Variants in ASNS observed in about 807,000 individuals in gnomAD.
The protein encoded by ASNS is asparagine synthetase [glutamine-hydrolyzing].
ASNS carries 37 observed loss-of-function variants against 62.6 expected under a neutral mutation model. That is an observed-to-expected ratio of 0.59 (90% CI 0.45 to 0.78). The LOEUF (loss-of-function observed/expected upper bound fraction) is 0.78. Ranked by LOEUF, ASNS falls within the 30% of genes least tolerant of loss-of-function variation. The pLI, the probability that ASNS is intolerant of heterozygous loss-of-function variation, is 0.00. For missense variants in ASNS, 520 were observed against 682.4 expected, an observed-to-expected ratio of 0.76 and a Z score of 2.65; for synonymous variants, 207 against 237.9, an observed-to-expected ratio of 0.87 and a Z score of 1.19.
rs772206820 is a variant in ASNS at position 97,869,067 on chromosome 7, A to G, written c.90T>C (p.Asp30=). Residue 30 remains aspartate, a synonymous_variant, in exon 3 of 13, where the codon GAT becomes GAC. Coordinates refer to ENST00000394308, the MANE Select transcript of ASNS (RefSeq NM_001673.5). ...SAMKIAHRGP[D]AFRFENVNGY... is the part of the protein sequence containing the mutation. The stretch of plus-strand genomic sequence containing the variant: ...CATTGACATTCTCAAAACGGAATGC[A>G]TCTGGACCTCTGTGTGCAATCTTCA... 1.2e-6 allele frequency: 2 copies of G among 1,614,234 alleles called. No homozygotes were observed. Among genetic ancestry groups the G allele is most frequent in the East Asian group, 2.2e-5 (1 of 44,872 alleles).
chr7:97,886,127 G>C, the ASNS span: 1 of 357,956 alleles, frequency 2.8e-6, no homozygotes, highest in Non-Finnish European at 5.3e-6. Context: ...TGTTGTTACT[G>C]TTGTGTTTTT....
At chr7:97,861,203 G>A (rs565541521) in intron 4 of ASNS, among the ~76,000 whole-genome samples, 107 of 152,078 alleles carry the variant, frequency 7.0e-4, no homozygotes, top group African/African-American at 2.4e-3. Context: ...TAGTAGAGAC[G>A]GGGTTTCACT....
At chr7:97,926,644 T>G in the ASNS span, among the ~76,000 whole-genome samples, 1 of 152,082 alleles carries the variant, frequency 6.6e-6, no homozygotes, top group South Asian at 2.1e-4. Flanking sequence ...CAAGATTCCC[T>G]CTTTTCAAGG....
intron 1 of ASNS, 49 bp downstream of exon 1, chr7:97,872,302 G>A (rs1194250619): frequency 6.5e-6 from 1 of 153,118 alleles, no homozygotes; most frequent in African/African-American, 2.4e-5. Context: ...GGCACGCGAG[G>A]AGGATGCTGG....
upstream of ASNS, among the ~76,000 whole-genome samples, chr7:97,874,091 C>T (rs1434945246): frequency 6.6e-6 from 1 of 152,096 alleles, no homozygotes; most frequent in African/African-American, 2.4e-5. Context: ...TTTATTTCAC[C>T]TCTGCAGTCT....
At chr7:97,896,186 GA>G in the ASNS span, among the ~76,000 whole-genome samples, 1 of 151,910 alleles carries the variant, frequency 6.6e-6, no homozygotes, top group African/African-American at 2.4e-5. Context: ...ACAGAAACAG[GA>G]AAAAAATACC....
chr7:97,855,891 A>C (rs538595858), intron 8 of ASNS, among the ~76,000 whole-genome samples: 1 of 152,216 alleles, frequency 6.6e-6, no homozygotes, highest in Admixed American at 6.5e-5. Context: ...CAGATTTCAC[A>C]TAAAGCTGGG....
At chr7:97,920,447 A>G in the ASNS span, among the ~76,000 whole-genome samples, 2 of 149,058 alleles carry the variant, frequency 1.3e-5, no homozygotes, top group Non-Finnish European at 3.0e-5. Flanking sequence ...TCTGATCCTC[A>G]GCTGGTGAGG....
At chr7:97,886,294 G>C in the ASNS span, among the ~76,000 whole-genome samples, 5 of 152,048 alleles carry the variant, frequency 3.3e-5, no homozygotes, top group Non-Finnish European at 5.9e-5. Context: ...GACTACAGGC[G>C]TGTGCACCAT....
chr7:97,858,542 C>G, intron 6 of ASNS, 137 bp from the exon 7 acceptor site: 1 of 1,102,164 alleles, frequency 9.1e-7, no homozygotes, highest in Non-Finnish European at 1.3e-6. Context: ...AAACTGAAAT[C>G]AACTTCAACA....
chr7:97,860,857 G>C (rs537734491), intron 4 of ASNS, among the ~76,000 whole-genome samples: 1 of 152,052 alleles, frequency 6.6e-6, no homozygotes, highest in Non-Finnish European at 1.5e-5. Context: ...GTTTAATTTT[G>C]ATGAAGTCCA....
the ASNS span, among the ~76,000 whole-genome samples, chr7:97,913,912 G>A: frequency 6.6e-6 from 1 of 151,344 alleles, no homozygotes; most frequent in Middle Eastern, 3.4e-3. Context: ...GGATGGCTGA[G>A]TGGGTGGAGA....
intron 1 of ASNS, chr7:97,870,256 T>C: frequency 1.3e-6 from 1 of 748,508 alleles, no homozygotes; most frequent in Admixed American, 2.7e-5. Flanking sequence ...GAGGTCCAGA[T>C]ACATTCCGTT....
chr7:97,884,554 A>T, the ASNS span, among the ~76,000 whole-genome samples: 3 of 152,098 alleles, frequency 2.0e-5, no homozygotes, highest in Non-Finnish European at 2.9e-5. Context: ...CGTCTCCAAA[A>T]AAAAGTCCCT....
chr7:97,870,071 T>C (rs1584478461), intron 1 of ASNS: 1 of 308,918 alleles, frequency 3.2e-6, no homozygotes, highest in East Asian at 5.4e-5. Context: ...AAATCACCCT[T>C]ACATACGTTA....
chr7:97,869,084 C>A lies in ASNS; in HGVS notation c.73G>T (p.Ala25Ser). The change falls in exon 3 of 13, where the codon GCA becomes TCA. Residue 25 changes from alanine (A) to serine (S), a missense_variant. By Grantham distance (99) the Ala-to-Ser change is moderately conservative. Transcript: ENST00000394308. ...SVQCLSAMKIAHRGPDAFRFE... is the reference protein window; with the variant it reads ...SVQCLSAMKISHRGPDAFRFE... Reference sequence around the variant, plus strand: ...CGGAATGCATCTGGACCTCTGTGTGCAATCTTCATAGCACTCAGACACTGA... The same window carrying A: ...CGGAATGCATCTGGACCTCTGTGTGAAATCTTCATAGCACTCAGACACTGA... 3 of 1,614,198 alleles carry A rather than the reference C, an allele frequency of 1.9e-6. No homozygotes were observed. Among genetic ancestry groups the A allele is most frequent in the Non-Finnish European group, 2.5e-6 (3 of 1,180,042 alleles).
chr7:97,876,765 T>C (rs1339502594), upstream of ASNS, among the ~76,000 whole-genome samples: 2 of 152,070 alleles, frequency 1.3e-5, no homozygotes, highest in Non-Finnish European at 2.9e-5. Flanking sequence ...AGTTACTATA[T>C]TTTGTGAAAA....
the ASNS span, among the ~76,000 whole-genome samples, chr7:97,914,546 T>A: frequency 6.6e-6 from 1 of 152,224 alleles, no homozygotes; most frequent in Admixed American, 6.5e-5. Flanking sequence ...AGCCATGGGT[T>A]CTTTGATCCC....
the ASNS span, among the ~76,000 whole-genome samples, chr7:97,914,291 G>T: frequency 6.6e-6 from 1 of 152,006 alleles, no homozygotes. Flanking sequence ...TGATTTCCTA[G>T]GGTGTGTCAT....
Sources: allele counts gnomAD v4.1 joint callset (sites outside exome capture counted in the v4.1 genomes callset), GRCh38; gene constraint gnomAD v4.1.1; transcripts MANE v1.5; gene names NCBI Gene and HGNC (gene_info 2026-07-23, HGNC 2026-07-21).